Variants in DNAH10 observed in about 807,000 individuals in gnomAD.
DNAH10 encodes axonemal beta dynein heavy chain 10.
DNAH10 carries 348 observed loss-of-function variants against 506.6 expected under a neutral mutation model. The observed-to-expected ratio is 0.69, with a 90% CI of 0.63 to 0.75. DNAH10 has a LOEUF of 0.75. DNAH10 is among the 30% of genes least tolerant of loss of function. The pLI is 0.00. For synonymous variants in DNAH10, 2,059 were observed against 2,198.6 expected, an observed-to-expected ratio of 0.94 and a Z score of 1.78; for missense variants, 5,179 against 5,787.1, an observed-to-expected ratio of 0.89 and a Z score of 3.41.
In DNAH10 at chr12:123,873,636, C is replaced by T. The variant is rs1351825682; in HGVS notation, c.7864C>T (p.Arg2622Ter). ...QRNLEANVEK[R>*]TKDTYGPPMG... ...AAATTTAGAAGCAAATGTGGAAAAG[C>T]GAACCAAAGATACTTACGGCCCACC... The change falls in exon 46 of 79, where the codon CGA (arginine) becomes TGA (stop). Residue 2622 changes from arginine to a stop codon, truncating the protein, a stop_gained. Coordinates refer to ENST00000673944, the MANE Select transcript of DNAH10 (RefSeq NM_001372106.1). LOFTEE classifies it high-confidence loss of function. 7 of 1,613,782 alleles carry T rather than the reference C, an allele frequency of 4.3e-6. No homozygotes were observed. The highest frequency in any genetic ancestry group is 1.6e-4 in the Middle Eastern group (1 of 6,062).
intron 5 of DNAH10, among the ~76,000 whole-genome samples, chr12:123,774,893 A>T (rs1957384124): frequency 6.6e-6 from 1 of 152,188 alleles, no homozygotes; most frequent in African/African-American, 2.4e-5. Context: ...CTTGCTCCCA[A>T]CACTGAGGGT....
rs150875259 is a variant in DNAH10 at position 123,821,392 on chromosome 12, G to A, written c.4179+634G>A. Among the ~76,000 whole-genome samples, 14 of 152,342 alleles carry A rather than the reference G, an allele frequency of 9.2e-5. No individual in the cohort carries two copies. The East Asian group carries it at 2.7e-3, about 29-fold the overall frequency. Reference sequence around the variant, plus strand: ...AACACCCAAGCTGGGGTGCAGTGGTGTGATAATAACTCACTGCAGCCTCGA... The same window carrying A: ...AACACCCAAGCTGGGGTGCAGTGGTATGATAATAACTCACTGCAGCCTCGA... On this transcript the variant is annotated intron_variant, in intron 24 of 78. Coordinates refer to ENST00000673944, the MANE Select transcript of DNAH10 (RefSeq NM_001372106.1).
In DNAH10 at chr12:123,787,690, C is replaced by A; in HGVS notation, c.1422-114C>A. 7.6e-7 allele frequency: 1 copy of A among 1,320,670 alleles called. No individual in the cohort carries two copies. Among genetic ancestry groups the A allele is most frequent in the Non-Finnish European group, 1.0e-6 (1 of 954,298 alleles). 81.8% of individuals were successfully genotyped at this position (1,320,670 alleles called of 1,614,324 possible). ...TGCCTTTTCCGATGAGGCCGTGAAACCAGGGGGGGCGCCCGGGTCAGAGCT... is the reference window on the plus strand; with the variant it reads ...TGCCTTTTCCGATGAGGCCGTGAAAACAGGGGGGGCGCCCGGGTCAGAGCT... On this transcript the variant is annotated intron_variant, in intron 9 of 78. Transcript: ENST00000673944. The surrounding 1 kb of genome is among the most constrained non-coding windows in gnomAD (Gnocchi z 4.6).
Position 123,804,706 on chromosome 12 carries a change from T to C in DNAH10, c.2780-127T>C, listed in dbSNP as rs1958596260. On this transcript the variant is annotated intron_variant, in intron 17 of 78. Coordinates refer to ENST00000673944, the MANE Select transcript of DNAH10 (RefSeq NM_001372106.1). ...TGTGTTCTGATATTGACTTATGTTC[T>C]GCTTTGGGCTGAGGTTGGAGGCTGG... 60 of 792,346 alleles carry C rather than the reference T, an allele frequency of 7.6e-5. No individual in the cohort carries two copies. In the South Asian group the frequency reaches 9.0e-4, roughly 12 times the overall value. The allele number at this position is 792,346 out of a possible 1,614,324, so 49.1% of individuals were successfully genotyped here.
chr12:123,853,840 A>G lies in DNAH10; in HGVS notation c.6438+488A>G, dbSNP rs758591002. ...CACACACGCACGCACACACACGCAC[A>G]CGCACGGACACACGCACGCGCACAC... On this transcript the variant is annotated intron_variant, in intron 36 of 78. Transcript: ENST00000673944. This position sits in a 1 kb window ranked among gnomAD's most constrained non-coding sequence, Gnocchi z 4.7. 2.7e-5 allele frequency among the ~76,000 whole-genome samples: 4 copies of G among 147,078 alleles called. No individual in the cohort carries two copies. Among genetic ancestry groups the G allele is most frequent in the Non-Finnish European group, 4.5e-5 (3 of 66,284 alleles).
At chr12:123,852,471 C>T (rs1361215963) in intron 35 of DNAH10, among the ~76,000 whole-genome samples, 3 of 152,104 alleles carry the variant, frequency 2.0e-5, no homozygotes, top group African/African-American at 7.2e-5. Context: ...ATCTCTTGTT[C>T]CTAGTTTTCA....
At chr12:123,872,208 T>C (rs1357366256) in intron 45 of DNAH10, among the ~76,000 whole-genome samples, 1 of 152,138 alleles carries the variant, frequency 6.6e-6, no homozygotes. Flanking sequence ...ATGTGTCCAA[T>C]GTGTCGGGGG....
At chr12:123,897,395 A>G (rs919547844) in intron 54 of DNAH10, among the ~76,000 whole-genome samples, 4 of 152,180 alleles carry the variant, frequency 2.6e-5, no homozygotes, top group African/African-American at 9.7e-5. Context: ...TAATAGTTCT[A>G]TATTTAACTC....
intron 29 of DNAH10, 124 bp downstream of exon 29, chr12:123,838,813 T>C (rs1950662716): frequency 3.3e-6 from 3 of 900,976 alleles, no homozygotes; most frequent in Non-Finnish European, 5.0e-6. Context: ...CTGGAGTTGG[T>C]TTTTTGGTTT....
rs998717937 is a variant in DNAH10 at position 123,874,351 on chromosome 12, C to A, written c.7938+641C>A. 5.4e-5 allele frequency among the ~76,000 whole-genome samples: 8 copies of A among 148,606 alleles called. No homozygotes were observed. The East Asian group carries it at 1.7e-3, about 31-fold the overall frequency. The stretch of plus-strand genomic sequence containing the variant: ...TCAGTCTGTTCTTCCATTCATCCAT[C>A]CATGTGTCTGTTTTTTTCATCCACC... On this transcript the variant is annotated intron_variant, in intron 46 of 78. Transcript: ENST00000673944.
At chr12:123,833,733 ACTCT>A (rs1960825909) in intron 27 of DNAH10, among the ~76,000 whole-genome samples, 1 of 150,248 alleles carries the variant, frequency 6.7e-6, no homozygotes, top group Admixed American at 6.6e-5. Context: ...ATGTCTGTTG[ACTCT>A]CTCTTGTGGT....
At position 123,910,560 on chromosome 12, in the gene DNAH10, C is replaced by T. The variant is rs1954018266; in HGVS notation, c.10022C>T (p.Thr3341Ile). Residue 3341 changes from threonine (T) to isoleucine (I), a missense_variant, in exon 59 of 79, where the codon ACA (threonine) becomes ATA (isoleucine). Transcript: ENST00000673944. Reference protein sequence around the residue: ...IKGLLKTLNTTTEEMEAVSKA... With the variant: ...IKGLLKTLNTITEEMEAVSKA... ...GGCCTCTTGAAGACTCTTAATACCA[C>T]AACTGAAGAAATGGAAGCTGTCAGC... The T allele has an allele frequency of 6.2e-7, 1 of 1,613,706 alleles. No homozygotes were observed. Among genetic ancestry groups the T allele is most frequent in the Admixed American group, 1.7e-5 (1 of 60,018 alleles).
rs186492918 is a variant in DNAH10 at position 123,880,832 on chromosome 12, G to A, written c.8635-793G>A. On this transcript the variant is annotated intron_variant, in intron 50 of 78. Transcript: ENST00000673944. ...CACCCCACAACAGGCCCTGGTGTGT[G>A]ATGTTCCCCTTCCTGTGTCCATGTG... Among the ~76,000 whole-genome samples the A allele has an allele frequency of 2.7e-3, 334 of 124,050 alleles. 7 individuals are homozygous for A. The East Asian group carries it at 0.061, about 23-fold the overall frequency. 81.4% of individuals were successfully genotyped at this position (124,050 alleles called of 152,430 possible).
intron 25 of DNAH10, 125 bp from the exon 26 acceptor site, chr12:123,830,421 C>T (rs1960418066): frequency 9.2e-7 from 1 of 1,090,068 alleles, no homozygotes; most frequent in African/African-American, 1.6e-5. Flanking sequence ...ATGATGTCCT[C>T]ATGTTGCAGA....
intron 18 of DNAH10, among the ~76,000 whole-genome samples, chr12:123,807,790 GAGAGGC>G (rs1958738061): frequency 6.8e-6 from 1 of 146,270 alleles, no homozygotes; most frequent in Non-Finnish European, 1.5e-5. Flanking sequence ...GAGGTGGAGA[GAGAGGC>G]AGAGGGGGAG....
At position 123,790,157 on chromosome 12, in the gene DNAH10, C is replaced by T. The variant is rs114601617; in HGVS notation, c.1815+36C>T. On this transcript the variant is annotated intron_variant, in intron 11 of 78. Coordinates refer to ENST00000673944, the MANE Select transcript of DNAH10 (RefSeq NM_001372106.1). Reference sequence around the variant, plus strand: ...CGTCCATTGAGTCCATCTTGGGAGTCGACACCATGTTTTCTCTGTGTTAAA... The same window carrying T: ...CGTCCATTGAGTCCATCTTGGGAGTTGACACCATGTTTTCTCTGTGTTAAA... The T allele has an allele frequency of 1.7e-4, 277 of 1,586,712 alleles. No homozygotes were observed. In the African/African-American group the frequency reaches 3.1e-3, roughly 18 times the overall value.
At chr12:123,856,830 T>TTTTAAATTAATTTCTGTAATTTAAA (rs1305177735) in intron 36 of DNAH10, among the ~76,000 whole-genome samples, 28 of 148,592 alleles carry the variant, frequency 1.9e-4, no homozygotes, top group Admixed American at 1.3e-4. Flanking sequence ...AATTATATAA[T>TTTTAAATTAATTTCTGTAATTTAAA]TTTAAATTAA....
chr12:123,833,312 GA>G lies in DNAH10; in HGVS notation c.4750del (p.Thr1584ArgfsTer4), dbSNP rs1223039312. On this transcript the variant is annotated frameshift_variant, in exon 27 of 79. Coordinates refer to ENST00000673944, the MANE Select transcript of DNAH10 (RefSeq NM_001372106.1). LOFTEE classifies it high-confidence loss of function. Reference sequence around the variant, plus strand: ...TTTTCTGCAAACTGTTCACAAATGGGAAAAAACGCTTTCTCTAATAGGGGAA... The same window carrying G: ...TTTTCTGCAAACTGTTCACAAATGGGAAAAACGCTTTCTCTAATAGGGGAA... ...GPFLQTVHKWEKTLSLIGEVI... is the reference protein window; with the variant it reads ...GPFLQTVHKWXKTLSLIGEVI... 6.2e-7 allele frequency: 1 copy of G among 1,612,890 alleles called. No homozygotes were observed. The highest frequency in any genetic ancestry group is 1.1e-5 in the South Asian group (1 of 90,776).
At chr12:123,871,335 T>C in intron 44 of DNAH10, 122 bp from the exon 45 acceptor site, 4 of 1,130,988 alleles carry the variant, frequency 3.5e-6, no homozygotes, top group Non-Finnish European at 3.7e-6. Context: ...TCTGAGGTCA[T>C]GTCTTGGCCT....
Sources: allele counts gnomAD v4.1 joint callset (sites outside exome capture counted in the v4.1 genomes callset), GRCh38; gene constraint gnomAD v4.1.1; non-coding constraint Gnocchi (gnomAD v3.1); transcripts MANE v1.5; gene names NCBI Gene and HGNC (gene_info 2026-07-23, HGNC 2026-07-21).